The following PDE4B variants were observed in gnomAD, a reference collection of about 807,000 sequenced individuals.
The protein encoded by PDE4B is phosphodiesterase 4B.
Under a neutral mutation model 82.2 loss-of-function variants are expected in PDE4B, and 20 were observed. That is an observed-to-expected ratio of 0.24 (90% confidence interval 0.17 to 0.35). The LOEUF (loss-of-function observed/expected upper bound fraction) is 0.35. PDE4B is among the 10% of genes least tolerant of loss of function. The pLI is 1.00. For synonymous variants in PDE4B, 320 were observed against 318.9 expected, an observed-to-expected ratio of 1.00 and a Z score of -0.04; for missense variants, 655 against 907.2, an observed-to-expected ratio of 0.72 and a Z score of 3.57.
chr1:66,173,084 A>C lies in PDE4B; in HGVS notation c.282-74376A>C, dbSNP rs143689059. 1.4e-4 allele frequency among the ~76,000 whole-genome samples: 22 copies of C among 152,350 alleles called. No homozygotes were observed. The East Asian group carries it at 3.5e-3, about 24-fold the overall frequency. On this transcript the variant is annotated intron_variant, in intron 3 of 16. Transcript: ENST00000341517. ...TTGGGCACATGGATACACCTGTATC[A>C]GATTGGGGGTAAAGGAGGTGACCCA...
At chr1:66,261,142 A>G (rs900156888) in intron 6 of PDE4B, among the ~76,000 whole-genome samples, 1 of 152,206 alleles carries the variant, frequency 6.6e-6, no homozygotes, top group African/African-American at 2.4e-5. Context: ...GATTTCAGAC[A>G]TCAGGGAGCT....
intron 1 of PDE4B, among the ~76,000 whole-genome samples, chr1:65,885,069 T>G (rs1646756877): frequency 6.6e-6 from 1 of 152,136 alleles, no homozygotes; most frequent in South Asian, 2.1e-4. Context: ...CAGACACTTC[T>G]CAAAAGAGGA....
chr1:65,932,522 G>C lies in PDE4B; in HGVS notation c.281+13687G>C, dbSNP rs1216895503. Among the ~76,000 whole-genome samples the C allele has an allele frequency of 2.0e-5, 3 of 152,054 alleles. 1 individual carries two copies. The highest frequency in any genetic ancestry group is 4.2e-4 in the South Asian group (2 of 4,808). On this transcript the variant is annotated intron_variant, in intron 3 of 16. Coordinates refer to ENST00000341517, the MANE Select transcript of PDE4B (RefSeq NM_002600.4). ...TCTGTGAAGATTGGGAGAGGTCACTGTTTTGTCTAATATACCAACCCTACA... is the reference window on the plus strand; with the variant it reads ...TCTGTGAAGATTGGGAGAGGTCACTCTTTTGTCTAATATACCAACCCTACA...
chr1:66,321,749 A>G lies in PDE4B; in HGVS notation c.635-10759A>G, dbSNP rs111794664. ...TATCGTGAACATGGCCATACTGCCC[A>G]AGGTAATTTATAGATTCAGTGCTAT... is the stretch of plus-strand genomic sequence containing the variant. On this transcript the variant is annotated intron_variant, in intron 7 of 16. Transcript: ENST00000341517. 9.8e-3 allele frequency among the ~76,000 whole-genome samples: 1,494 copies of G among 152,320 alleles called. 28 individuals carry two copies. The highest frequency in any genetic ancestry group is 0.034 in the African/African-American group (1,433 of 41,574).
chr1:65,992,642 TC>T (rs749059060), intron 3 of PDE4B: 12 of 929,532 alleles, frequency 1.3e-5, no homozygotes, highest in Non-Finnish European at 1.7e-5. Flanking sequence ...ACAAACCTCA[TC>T]CACAAGGAGG....
intron 1 of PDE4B, among the ~76,000 whole-genome samples, chr1:65,834,937 A>G (rs1646123830): frequency 6.6e-6 from 1 of 152,188 alleles, no homozygotes; most frequent in African/African-American, 2.4e-5. Context: ...TCATCCCTGG[A>G]GAACTGCTTG....
At chr1:66,128,035 A>G (rs771580810) in intron 3 of PDE4B, among the ~76,000 whole-genome samples, 7 of 152,204 alleles carry the variant, frequency 4.6e-5, no homozygotes, top group Non-Finnish European at 8.8e-5. Flanking sequence ...GTTTGACCTC[A>G]ACTGATGTAA....
intron 3 of PDE4B, among the ~76,000 whole-genome samples, chr1:66,040,777 G>A (rs1237432995): frequency 1.3e-5 from 2 of 151,910 alleles, no homozygotes; most frequent in Non-Finnish European, 2.9e-5. Context: ...TTGCAATTTG[G>A]TATCAGGTTT....
At chr1:66,218,337 G>A (rs1186572636) in intron 3 of PDE4B, among the ~76,000 whole-genome samples, 1 of 152,112 alleles carries the variant, frequency 6.6e-6, no homozygotes, top group East Asian at 1.9e-4. Flanking sequence ...TGGCCTCCAT[G>A]AGTGGGAAAT....
intron 3 of PDE4B, among the ~76,000 whole-genome samples, chr1:65,998,937 C>G (rs1468949009): frequency 6.6e-6 from 1 of 151,882 alleles, no homozygotes; most frequent in Non-Finnish European, 1.5e-5. Flanking sequence ...AAATCTATGC[C>G]TCATAGCCTG....
intron 3 of PDE4B, among the ~76,000 whole-genome samples, chr1:66,165,082 T>C (rs2101292599): frequency 6.6e-6 from 1 of 152,172 alleles, no homozygotes. Flanking sequence ...ATAACTTACA[T>C]TTGAATTCCT....
At chr1:66,347,877 A>G (rs542690477) in intron 8 of PDE4B, among the ~76,000 whole-genome samples, 1 of 152,226 alleles carries the variant, frequency 6.6e-6, no homozygotes, top group Non-Finnish European at 1.5e-5. Context: ...ATAGACTGAA[A>G]ATGGAATTAA....
intron 1 of PDE4B, among the ~76,000 whole-genome samples, chr1:65,804,124 G>T (rs1487768783): frequency 6.6e-6 from 1 of 152,178 alleles, no homozygotes; most frequent in African/African-American, 2.4e-5. Flanking sequence ...GTCTAATGGA[G>T]ATCGTAGGGG....
chr1:66,239,947 T>C (rs1338908492), intron 3 of PDE4B, among the ~76,000 whole-genome samples: 1 of 152,264 alleles, frequency 6.6e-6, no homozygotes, highest in Non-Finnish European at 1.5e-5. Context: ...TGAGAAGTAC[T>C]TGTGGCATTT....
At chr1:66,278,767 G>A (rs538468175) in intron 7 of PDE4B, among the ~76,000 whole-genome samples, 1 of 151,908 alleles carries the variant, frequency 6.6e-6, no homozygotes, top group East Asian at 2.0e-4. Context: ...GCAGCTGCAC[G>A]GGGTACCTGC....
At chr1:66,202,604 G>A (rs1416151631) in intron 3 of PDE4B, among the ~76,000 whole-genome samples, 1 of 151,174 alleles carries the variant, frequency 6.6e-6, no homozygotes, top group Non-Finnish European at 1.5e-5. Context: ...TTATGTAATG[G>A]CCTTCTTTGT....
chr1:65,867,959 C>T (rs372433837), intron 1 of PDE4B, among the ~76,000 whole-genome samples: 59 of 152,312 alleles, frequency 3.9e-4, no homozygotes, highest in Middle Eastern at 3.4e-3. Context: ...CGAGAGTCTA[C>T]GGTCAGTTAA....
At chr1:66,300,002 C>T (rs958285091) in intron 7 of PDE4B, among the ~76,000 whole-genome samples, 1 of 151,890 alleles carries the variant, frequency 6.6e-6, no homozygotes. Flanking sequence ...AATATTAAAA[C>T]CAAACAAAAT....
intron 3 of PDE4B, among the ~76,000 whole-genome samples, chr1:66,046,548 C>T (rs974735370): frequency 6.6e-6 from 1 of 151,746 alleles, no homozygotes; most frequent in African/African-American, 2.4e-5. Context: ...CAGGAGTGAG[C>T]AAGATACATC....
Sources: gnomAD v4.1 joint callset for allele counts (sites outside exome capture counted in the v4.1 genomes callset) on GRCh38, gnomAD v4.1.1 for gene constraint, MANE v1.5 for transcripts, NCBI Gene and HGNC (gene_info 2026-07-23, HGNC 2026-07-21) for gene names.